The following PODNL1 variants were observed in gnomAD, a reference collection of about 807,000 sequenced individuals.
The protein encoded by PODNL1 is podocan like 1.
A neutral mutation model predicts 45.1 loss-of-function variants in PODNL1; 50 were observed. The ratio of observed to expected loss-of-function variants is 1.11; its 90% CI spans 0.88 to 1.40. PODNL1 has a LOEUF of 1.40. PODNL1 is among the 40% of genes most tolerant of loss of function. The pLI is 0.00. For synonymous variants in PODNL1, 406 were observed against 372.5 expected (o/e 1.09, Z -1.04); for missense variants, 788 against 793.3 (o/e 0.99, Z 0.08).
At chr19:13,934,070 G>C in intron 6 of PODNL1, 77 bp from the exon 7 acceptor site, 2 of 1,403,634 alleles carry the variant, frequency 1.4e-6, no homozygotes, top group Admixed American at 2.0e-5. Context: ...CTTGAGTAAG[G>C]GAGTGACGAG....
upstream of PODNL1, among the ~76,000 whole-genome samples, chr19:13,940,626 T>C (rs1361704616): frequency 6.8e-6 from 1 of 148,090 alleles, no homozygotes; most frequent in East Asian, 2.0e-4. Flanking sequence ...CTCACACCTG[T>C]AATCCCAGCA....
In PODNL1 at chr19:13,944,272, C is replaced by T. The variant is rs1972747854; in HGVS notation, c.19-6266G>A. On this transcript the variant is annotated intron_variant, in intron 1 of 7. Transcript: ENST00000538371. ...CCGCCTCCCGGGTTCACACCTTCTC[C>T]TGCCTCAGCCTCCCGGGTAGCTGGG... Among the ~76,000 whole-genome samples the T allele has an allele frequency of 4.6e-5, 7 of 151,442 alleles. No individual in the cohort carries two copies. In the South Asian group the frequency reaches 1.3e-3, roughly 27 times the overall value.
intron 1 of PODNL1, among the ~76,000 whole-genome samples, chr19:13,947,435 C>G (rs1236487655): frequency 6.8e-6 from 1 of 147,956 alleles, no homozygotes; most frequent in Non-Finnish European, 1.5e-5. Context: ...GAGCTGAGAT[C>G]GCACCATTGC....
intron 5 of PODNL1, among the ~76,000 whole-genome samples, chr19:13,934,626 T>C (rs967280690): frequency 1.3e-5 from 2 of 151,466 alleles, no homozygotes; most frequent in East Asian, 1.9e-4. Flanking sequence ...GTTGTATGAA[T>C]AGACGTGTGT....
In PODNL1 at chr19:13,933,181, C is replaced by T. The variant is rs1972082408; in HGVS notation, c.1042G>A (p.Ala348Thr). 3 of 1,534,386 alleles carry T rather than the reference C, an allele frequency of 2.0e-6. No individual in the cohort carries two copies. The highest frequency in any genetic ancestry group is 2.6e-6 in the Non-Finnish European group (3 of 1,145,434). ...YGNGLDRVPP[A>T]LPRRLRALVL... ...AGGGCACGCAGGCGGCGGGGCAGGGCTGGAGGCACGCGGTCCAGCCCATTG... is the reference window on the plus strand; with the variant it reads ...AGGGCACGCAGGCGGCGGGGCAGGGTTGGAGGCACGCGGTCCAGCCCATTG... Residue 348 changes from alanine to threonine, a missense_variant, in exon 8 of 10, where the codon GCC becomes ACC. By Grantham distance (58) the Ala-to-Thr change is moderately conservative. Transcript: ENST00000588872. The surrounding 1 kb of genome is among the most constrained non-coding windows in gnomAD (Gnocchi z 5.2).
At chr19:13,947,013 T>C (rs1240678010) in intron 1 of PODNL1, among the ~76,000 whole-genome samples, 3 of 142,280 alleles carry the variant, frequency 2.1e-5, no homozygotes, top group Non-Finnish European at 4.5e-5. Flanking sequence ...ATCACACCAC[T>C]GCACTCCAGC....
rs1297868735 is a variant in PODNL1, at chr19:13,934,522, T to TGC, written c.495-113_495-112insGC. ...CAGTGTGTGTGTGTGTGTGTGTGTG[T>TGC]GTGTGCGCGCGCATGTGTGGAGTCT... On this transcript the variant is annotated intron_variant, in intron 5 of 9. Transcript: ENST00000588872. 6.0e-5 allele frequency: 64 copies of TGC among 1,075,182 alleles called. No homozygotes were observed. The African/African-American group carries it at 8.6e-4, about 14-fold the overall frequency. The allele number at this position is 1,075,182 out of a possible 1,614,324, so 66.6% of individuals were successfully genotyped here.
Position 13,933,400 on chromosome 19 carries a change from G to T in PODNL1, c.823C>A (p.Pro275Thr). The T allele has an allele frequency of 1.2e-6, 2 of 1,602,230 alleles. No individual in the cohort carries two copies. The highest frequency in any genetic ancestry group is 8.5e-7 in the Non-Finnish European group (1 of 1,176,316). The stretch of plus-strand genomic sequence containing the variant: ...GCCAGGGTCCGGGGCAGGCCGGCGG[G>T]CACTGTGGTCAGCTGGTTGTGGGAG... Reference protein sequence around the residue: ...DLSHNQLTTVPAGLPRTLAIL... With the variant: ...DLSHNQLTTVTAGLPRTLAIL... The change falls in exon 8 of 10, where the codon CCC becomes ACC. Residue 275 changes from proline (P) to threonine (T), a missense_variant. By Grantham distance (38) the Pro-to-Thr change is conservative (BLOSUM62 -1). Transcript: ENST00000588872. The surrounding 1 kb of genome is among the most constrained non-coding windows in gnomAD (Gnocchi z 5.2).
rs764902976 is a variant in PODNL1, at chr19:13,938,137, C to A, written c.3+42G>T. On this transcript the variant is annotated intron_variant, in intron 1 of 9. Transcript: ENST00000588872. Reference sequence around the variant, plus strand: ...AGTTGGCAGAGCAGGGGTGGGGGGGCAGGCAGGCCCCACCCTCAGACCCTC... The same window carrying A: ...AGTTGGCAGAGCAGGGGTGGGGGGGAAGGCAGGCCCCACCCTCAGACCCTC... 7 of 1,560,002 alleles carry A rather than the reference C, an allele frequency of 4.5e-6. No homozygotes were observed. In the African/African-American group the frequency reaches 9.5e-5, roughly 21 times the overall value.
In PODNL1 at chr19:13,932,065, C is replaced by G; in HGVS notation, c.1473G>C (p.Leu491=). ...HNELSFVPPD[L]PEALEELHLE... is the part of the protein sequence containing the mutation. ...GGTGCAGCTCCTCTAGGGCCTCAGG[C>G]AGGTCCGGGGGCACAAAGGACAGCT... The change falls in exon 9 of 10, where the codon CTG becomes CTC. Residue 491 remains leucine (L), a synonymous_variant. Transcript: ENST00000588872. 1 of 1,232,616 alleles carries G rather than the reference C, an allele frequency of 8.1e-7. No individual in the cohort carries two copies. Among genetic ancestry groups the G allele is most frequent in the African/African-American group, 1.5e-5 (1 of 64,560 alleles). The allele number at this position is 1,232,616 out of a possible 1,614,324, so 76.4% of individuals were successfully genotyped here.
At chr19:13,949,740 C>T (rs1444264614) in intron 1 of PODNL1, 3 of 152,190 alleles carry the variant, frequency 2.0e-5, no homozygotes, top group Non-Finnish European at 4.4e-5. Context: ...CACTCTGTCG[C>T]CCAGGCTGGA....
chr19:13,940,946 T>A (rs1972637272), upstream of PODNL1, among the ~76,000 whole-genome samples: 1 of 151,974 alleles, frequency 6.6e-6, no homozygotes, highest in Non-Finnish European at 1.5e-5. Flanking sequence ...CCAGGGAGGC[T>A]GAAGTGGGAG....
chr19:13,933,245 C>T lies in PODNL1; in HGVS notation c.978G>A (p.Leu326=). 1.3e-6 allele frequency: 2 copies of T among 1,547,158 alleles called. No homozygotes were observed. Among genetic ancestry groups the T allele is most frequent in the Non-Finnish European group, 8.7e-7 (1 of 1,151,470 alleles). ...LGSSGLPAGA[L]RPLRGLHTLH... is the part of the protein sequence containing the mutation. ...GCGTGTGCAGGCCCCGCAGCGGCCG[C>T]AGAGCCCCGGCGGGCAGCCCTGAGC... is the stretch of plus-strand genomic sequence containing the variant. The change falls in exon 8 of 10, where the codon CTG becomes CTA. Residue 326 remains leucine (L), a synonymous_variant. Transcript: ENST00000588872. This position sits in a 1 kb window ranked among gnomAD's most constrained non-coding sequence, Gnocchi z 5.2.
intron 8 of PODNL1, 93 bp downstream of exon 8, chr19:13,932,705 T>C (rs756267809): frequency 2.5e-6 from 4 of 1,604,732 alleles, no homozygotes; most frequent in Non-Finnish European, 3.4e-6. Flanking sequence ...TCTGATTGCT[T>C]TACCAGCTAA....
chr19:13,933,593 C>T lies in PODNL1; in HGVS notation c.768-138G>A. 3 of 1,021,062 alleles carry T rather than the reference C, an allele frequency of 2.9e-6. No individual in the cohort carries two copies. Among genetic ancestry groups the T allele is most frequent in the Admixed American group, 5.7e-5 (2 of 34,912 alleles). 63.3% of individuals were successfully genotyped at this position (1,021,062 alleles called of 1,614,324 possible). On this transcript the variant is annotated intron_variant, in intron 7 of 9. Transcript: ENST00000588872. This position sits in a 1 kb window ranked among gnomAD's most constrained non-coding sequence, Gnocchi z 5.2. ...ACTTGGGAGTGATGCGTGGAGAGAGCTGGGTGGGAGGTAAACTTGGGGTGC... is the reference window on the plus strand; with the variant it reads ...ACTTGGGAGTGATGCGTGGAGAGAGTTGGGTGGGAGGTAAACTTGGGGTGC...
chr19:13,935,791 C>T lies in PODNL1; in HGVS notation c.424G>A (p.Val142Ile), dbSNP rs763519569. The change falls in exon 5 of 10, where the codon GTC becomes ATC. Residue 142 changes from valine (V) to isoleucine (I), a missense_variant. Physicochemically the swap from Val to Ile is conservative, Grantham distance 29. Coordinates refer to ENST00000588872, the MANE Select transcript of PODNL1 (RefSeq NM_001370095.3). The stretch of plus-strand genomic sequence containing the variant: ...ACTTGGTTGGCAGCCAGATCCGCGA[C>T]ACGGAGGGACCGGGGCAGAAACTGA... ...APQFLPRSLR[V>I]ADLAANQVME... is the part of the protein sequence containing the mutation. The T allele has an allele frequency of 1.9e-6, 3 of 1,598,770 alleles. No individual in the cohort carries two copies. Among genetic ancestry groups the T allele is most frequent in the Non-Finnish European group, 1.7e-6 (2 of 1,175,720 alleles).
At chr19:13,951,733 C>G (rs1973041961) in intron 1 of PODNL1, among the ~76,000 whole-genome samples, 1 of 152,106 alleles carries the variant, frequency 6.6e-6, no homozygotes, top group Non-Finnish European at 1.5e-5. Flanking sequence ...GATCACGCCA[C>G]TGCACTCCAG....
intron 6 of PODNL1, 49 bp from the exon 7 acceptor site, chr19:13,934,042 G>C (rs554384998): frequency 2.0e-6 from 3 of 1,516,244 alleles, no homozygotes; most frequent in Non-Finnish European, 2.7e-6. Flanking sequence ...TGAGGGCAGC[G>C]GGAAGCCACA....
At chr19:13,947,666 C>G (rs886713572) in intron 1 of PODNL1, among the ~76,000 whole-genome samples, 1 of 152,134 alleles carries the variant, frequency 6.6e-6, no homozygotes, top group African/African-American at 2.4e-5. Flanking sequence ...ACGTATTCAA[C>G]TGACTTGGGC....
Sources: gnomAD v4.1 joint callset for allele counts (sites outside exome capture counted in the v4.1 genomes callset) on GRCh38, gnomAD v4.1.1 for gene constraint, Gnocchi (gnomAD v3.1) non-coding constraint, MANE v1.5 for transcripts, NCBI Gene and HGNC (gene_info 2026-07-23, HGNC 2026-07-21) for gene names.